The following SRFBP1 variants were observed in gnomAD, a reference collection of about 807,000 sequenced individuals.
SRFBP1 encodes the protein serum response factor-binding protein 1.
A neutral mutation model predicts 45.5 loss-of-function variants in SRFBP1; 47 were observed. The ratio of observed to expected loss-of-function variants is 1.03; its 90% CI spans 0.82 to 1.32. The LOEUF (loss-of-function observed/expected upper bound fraction) is 1.32, where lower values mean the gene tolerates loss of function less well. Ranked by LOEUF, SRFBP1 falls within the 40% of genes most tolerant of loss-of-function variation. The pLI is 0.00. For synonymous variants in SRFBP1, 203 were observed against 166.3 expected (o/e 1.22, Z -1.70); for missense variants, 621 against 484.6 (o/e 1.28, Z -2.64).
At chr5:122,057,827 C>T (rs1217492559) in intron 2 of SRFBP1, among the ~76,000 whole-genome samples, 1 of 151,870 alleles carries the variant, frequency 6.6e-6, no homozygotes, top group Non-Finnish European at 1.5e-5. Context: ...TACAGGCATG[C>T]ACCACTACTC....
chr5:122,071,187 ATT>A (rs1659337206), intron 2 of SRFBP1, among the ~76,000 whole-genome samples: 1 of 130,422 alleles, frequency 7.7e-6, no homozygotes, highest in African/African-American at 3.2e-5. Context: ...AATCGTAAAC[ATT>A]TATATGTGTG....
intron 3 of SRFBP1, among the ~76,000 whole-genome samples, chr5:121,987,167 T>G (rs1033151285): frequency 2.0e-4 from 31 of 151,946 alleles, no homozygotes; most frequent in African/African-American, 7.3e-4. Flanking sequence ...ATAATGGTAA[T>G]ACAATGGAGG....
intron 4 of SRFBP1, among the ~76,000 whole-genome samples, chr5:122,013,920 G>A (rs187308895): frequency 8.7e-4 from 133 of 152,210 alleles, no homozygotes; most frequent in Middle Eastern, 6.8e-3. Flanking sequence ...AGGGAGAATC[G>A]GTCAACAGAT....
intron 3 of SRFBP1, among the ~76,000 whole-genome samples, chr5:121,989,210 C>A (rs533346340): frequency 6.6e-6 from 1 of 151,942 alleles, no homozygotes; most frequent in South Asian, 2.1e-4. Flanking sequence ...ATTACAGGCA[C>A]GTGCCACTAC....
intron 2 of SRFBP1, among the ~76,000 whole-genome samples, chr5:121,975,022 TTGA>T (rs914934693): frequency 2.0e-5 from 3 of 151,920 alleles, no homozygotes; most frequent in African/African-American, 7.2e-5. Context: ...GTACGATTGA[TTGA>T]TTTAAAAAAG....
chr5:121,975,470 A>G, intron 3 of SRFBP1, 83 bp downstream of exon 3: 1 of 1,445,822 alleles, frequency 6.9e-7, no homozygotes, highest in Non-Finnish European at 9.7e-7. Flanking sequence ...GGTATTGCTT[A>G]TTTGAATATT....
intron 2 of SRFBP1, among the ~76,000 whole-genome samples, chr5:122,040,547 G>T (rs927824232): frequency 9.2e-5 from 14 of 152,064 alleles, no homozygotes; most frequent in African/African-American, 2.9e-4. Context: ...CAACGACTAC[G>T]GTATGAATAC....
chr5:122,060,060 A>G (rs966599853), intron 2 of SRFBP1, among the ~76,000 whole-genome samples: 1 of 152,100 alleles, frequency 6.6e-6, no homozygotes, highest in Non-Finnish European at 1.5e-5. Context: ...TCCTCCTAAA[A>G]TGCCCTACTA....
chr5:122,033,548 C>T (rs903824002), downstream of SRFBP1, among the ~76,000 whole-genome samples: 1 of 151,842 alleles, frequency 6.6e-6, no homozygotes. Context: ...GCAACCTCTG[C>T]CTCTCAGGTT....
At chr5:121,971,490 A>G (rs1001878471) in intron 1 of SRFBP1, among the ~76,000 whole-genome samples, 2 of 151,938 alleles carry the variant, frequency 1.3e-5, no homozygotes, top group African/African-American at 4.8e-5. Flanking sequence ...GAAGAACATG[A>G]ATTTAGGTGT....
chr5:122,006,392 C>A (rs1055494755), intron 4 of SRFBP1, among the ~76,000 whole-genome samples: 3 of 152,110 alleles, frequency 2.0e-5, no homozygotes, highest in Non-Finnish European at 4.4e-5. Flanking sequence ...GATTGAATCT[C>A]ACTGGAGACC....
intron 3 of SRFBP1, among the ~76,000 whole-genome samples, chr5:121,994,175 T>A (rs553898506): frequency 3.3e-5 from 5 of 152,122 alleles, no homozygotes; most frequent in Admixed American, 2.0e-4. Context: ...GTAATAGTTG[T>A]GTTTTATTTG....
At chr5:122,015,164 T>C (rs1298475020) in intron 4 of SRFBP1, among the ~76,000 whole-genome samples, 1 of 152,142 alleles carries the variant, frequency 6.6e-6, no homozygotes. Flanking sequence ...CTTCTCAGGA[T>C]TAGTCATTTT....
In SRFBP1 at chr5:122,058,863, T is replaced by C. The variant is rs142687219; in HGVS notation, n.312-16452T>C. On this transcript the variant is annotated intron_variant and non_coding_transcript_variant, in intron 2 of 2. Coordinates refer to the SRFBP1 transcript ENST00000504881. ...GCATGGTACCTCAGTGAAATGAGCA[T>C]TATTTATTTATGCCAACCAACTAAA... 5.3e-3 allele frequency among the ~76,000 whole-genome samples: 807 copies of C among 152,226 alleles called. 14 individuals are homozygous for C. The highest frequency in any genetic ancestry group is 0.019 in the African/African-American group (776 of 41,542).
At chr5:122,040,000 T>G (rs976828819) in intron 2 of SRFBP1, among the ~76,000 whole-genome samples, 1 of 152,170 alleles carries the variant, frequency 6.6e-6, no homozygotes, top group Non-Finnish European at 1.5e-5. Flanking sequence ...TATTATACCT[T>G]TATATTTTAT....
At chr5:122,051,878 A>G (rs1719005900) in intron 2 of SRFBP1, among the ~76,000 whole-genome samples, 1 of 152,086 alleles carries the variant, frequency 6.6e-6, no homozygotes, top group South Asian at 2.1e-4. Flanking sequence ...GTGATTTTGT[A>G]GTAGCTGGTA....
At chr5:122,038,213 T>C (rs1239763541) in intron 2 of SRFBP1, among the ~76,000 whole-genome samples, 2 of 152,194 alleles carry the variant, frequency 1.3e-5, no homozygotes, top group Non-Finnish European at 2.9e-5. Flanking sequence ...GGTAGCACTA[T>C]TCTGATACAG....
chr5:122,074,489 TGTTC>T (rs1455441619), intron 2 of SRFBP1, among the ~76,000 whole-genome samples: 1 of 152,216 alleles, frequency 6.6e-6, no homozygotes, highest in African/African-American at 2.4e-5. Flanking sequence ...ACTTGCCCTG[TGTTC>T]TCTAGTGTAT....
intron 2 of SRFBP1, among the ~76,000 whole-genome samples, chr5:122,047,897 T>C (rs1043870207): frequency 1.3e-5 from 2 of 152,348 alleles, no homozygotes; most frequent in South Asian, 2.1e-4. Flanking sequence ...ATCGATTGTG[T>C]ATCCTGAGAC....
Sources: allele counts gnomAD v4.1 joint callset (sites outside exome capture counted in the v4.1 genomes callset), GRCh38; gene constraint gnomAD v4.1.1; transcripts MANE v1.5; gene names NCBI Gene and HGNC (gene_info 2026-07-23, HGNC 2026-07-21).